Variants in SOX6 observed in about 807,000 individuals in gnomAD.
The protein encoded by SOX6 is transcription factor SOX-6.
Under a neutral mutation model 97.8 loss-of-function variants are expected in SOX6, and 11 were observed. That is an observed-to-expected ratio of 0.11 (90% confidence interval 0.07 to 0.19). The LOEUF (loss-of-function observed/expected upper bound fraction) is 0.19, where lower values mean the gene tolerates loss of function less well. Among genes scored for constraint, SOX6 ranks in the 10% least tolerant of loss-of-function variants. The pLI, the probability that SOX6 is intolerant of heterozygous loss-of-function variation, is 1.00. For missense variants in SOX6, 810 were observed against 1,039.5 expected (o/e 0.78, Z 3.04); for synonymous variants, 360 against 371.4 (o/e 0.97, Z 0.35).
intron 1 of SOX6, among the ~76,000 whole-genome samples, chr11:16,431,827 G>A (rs561958866): frequency 2.8e-4 from 43 of 152,036 alleles, no homozygotes; most frequent in African/African-American, 1.0e-3. Context: ...ATTATACAAG[G>A]CATTATTATC....
rs1184927537 is a variant in SOX6, at chr11:16,613,823, C to T, written n.430-1563G>A. Among the ~76,000 whole-genome samples the T allele has an allele frequency of 2.6e-5, 4 of 152,176 alleles. No homozygotes were observed. The highest frequency in any genetic ancestry group is 5.9e-5 in the Non-Finnish European group (4 of 68,042). On this transcript the variant is annotated intron_variant and non_coding_transcript_variant, in intron 3 of 5. Coordinates refer to the SOX6 transcript ENST00000524520. This position sits in a 1 kb window ranked among gnomAD's most constrained non-coding sequence, Gnocchi z 4.6. ...GAGCTTTGTTTACGTGCCTAAGTCG[C>T]CACCTTGAGGTCGAGGGGAAGACTG...
At chr11:15,991,948 G>T (rs932206544) in intron 13 of SOX6, among the ~76,000 whole-genome samples, 1 of 152,126 alleles carries the variant, frequency 6.6e-6, no homozygotes, top group African/African-American at 2.4e-5. Flanking sequence ...GAGGAACAGA[G>T]CTCAAGTCTG....
intron 3 of SOX6, among the ~76,000 whole-genome samples, chr11:16,279,442 C>T (rs1854490558): frequency 6.6e-6 from 1 of 151,976 alleles, no homozygotes; most frequent in African/African-American, 2.4e-5. Flanking sequence ...TATTTAATAT[C>T]TCACTTTCAT....
intron 6 of SOX6, among the ~76,000 whole-genome samples, chr11:16,118,800 A>G (rs552789550): frequency 6.6e-6 from 1 of 152,352 alleles, no homozygotes; most frequent in Admixed American, 6.5e-5. Context: ...ATTGAAAATC[A>G]TGTGCATATT....
At chr11:16,337,908 T>G (rs1856511082) in intron 2 of SOX6, among the ~76,000 whole-genome samples, 1 of 152,084 alleles carries the variant, frequency 6.6e-6, no homozygotes, top group Non-Finnish European at 1.5e-5. Context: ...TAATCAGAAT[T>G]TTCACATTTA....
chr11:16,470,328 T>TA (rs1412544018), intron 1 of SOX6, among the ~76,000 whole-genome samples: 3 of 152,166 alleles, frequency 2.0e-5, no homozygotes, highest in African/African-American at 7.2e-5. Context: ...TACTTGTCCT[T>TA]AAAATCACAG....
chr11:16,648,328 C>T (rs1046058666), intron 3 of SOX6, among the ~76,000 whole-genome samples: 1 of 152,116 alleles, frequency 6.6e-6, no homozygotes, highest in Non-Finnish European at 1.5e-5. Context: ...CCAACCCTCA[C>T]AGTGGCCATG....
intron 4 of SOX6, among the ~76,000 whole-genome samples, chr11:16,192,434 CA>C (rs1322206287): frequency 1.3e-5 from 2 of 151,598 alleles, no homozygotes; most frequent in Admixed American, 6.6e-5. Flanking sequence ...TTTTGAGTCT[CA>C]ATAGGAAGTC....
chr11:16,076,735 ATT>A (rs1156737950), intron 9 of SOX6, among the ~76,000 whole-genome samples: 94 of 94,122 alleles, frequency 1.0e-3, no homozygotes, highest in African/African-American at 3.8e-3. Context: ...GGTACTACAC[ATT>A]TTTTTTTTTT....
At chr11:16,480,337 A>C (rs1240231437), upstream of SOX6, among the ~76,000 whole-genome samples, 1 of 152,136 alleles carries the variant, frequency 6.6e-6, no homozygotes. Context: ...ATTCAAAAGA[A>C]ATGACCCAGA....
chr11:15,989,118 G>T lies in SOX6; in HGVS notation c.1845C>A (p.Ala615=), dbSNP rs1287040784. The change falls in exon 14 of 16, where the codon GCC becomes GCA. Residue 615 remains alanine (A), a synonymous_variant. Transcript: ENST00000683767. ...ARVYRDARGR[A]SSEPHIKRPM... is the part of the protein sequence containing the mutation. ...GTCGCTTAATGTGTGGCTCGCTGCT[G>T]GCACGGCCGCGGGCGTCCCTGTAGA... The T allele has an allele frequency of 6.2e-7, 1 of 1,614,060 alleles. No individual in the cohort carries two copies. The highest frequency in any genetic ancestry group is 8.5e-7 in the Non-Finnish European group (1 of 1,180,028).
chr11:16,577,684 A>G (rs1294418175), intron 4 of SOX6, among the ~76,000 whole-genome samples: 1 of 152,124 alleles, frequency 6.6e-6, no homozygotes, highest in African/African-American at 2.4e-5. Context: ...ATGTCTAATG[A>G]TGTCATATAT....
intron 11 of SOX6, among the ~76,000 whole-genome samples, chr11:16,049,539 T>A (rs1847629538): frequency 6.6e-6 from 1 of 152,184 alleles, no homozygotes; most frequent in Non-Finnish European, 1.5e-5. Flanking sequence ...CTCATTATCA[T>A]CTAAAGAATC....
At chr11:16,167,488 T>A (rs538751208) in intron 6 of SOX6, among the ~76,000 whole-genome samples, 1 of 152,290 alleles carries the variant, frequency 6.6e-6, no homozygotes, top group South Asian at 2.1e-4. Context: ...TTCTTTCCAA[T>A]GGTCTCCCAT....
chr11:16,640,305 G>A (rs534650012), intron 3 of SOX6, among the ~76,000 whole-genome samples: 7 of 152,212 alleles, frequency 4.6e-5, no homozygotes, highest in African/African-American at 1.2e-4. Flanking sequence ...TGCTGGATTC[G>A]GTTTGCCAGT....
At chr11:16,722,035 G>C (rs943906845) in intron 2 of SOX6, among the ~76,000 whole-genome samples, 2 of 152,016 alleles carry the variant, frequency 1.3e-5, no homozygotes, top group Non-Finnish European at 2.9e-5. Flanking sequence ...ATCAACTTAA[G>C]ATGGATTAAA....
intron 3 of SOX6, among the ~76,000 whole-genome samples, chr11:16,692,925 G>T (rs1034421227): frequency 3.9e-5 from 6 of 152,092 alleles, no homozygotes; most frequent in Non-Finnish European, 7.4e-5. Flanking sequence ...ATATGAAATT[G>T]ATGTTTTTAA....
intron 4 of SOX6, among the ~76,000 whole-genome samples, chr11:16,496,244 T>G (rs190779728): frequency 6.6e-6 from 1 of 151,070 alleles, no homozygotes; most frequent in Non-Finnish European, 1.5e-5. Context: ...GAAAAAAAAC[T>G]TATGAAATCC....
chr11:16,412,190 A>G (rs1197374366), intron 1 of SOX6, among the ~76,000 whole-genome samples: 2 of 152,210 alleles, frequency 1.3e-5, no homozygotes, highest in Non-Finnish European at 2.9e-5. Flanking sequence ...TTTGCATTTT[A>G]TTCTTTGACA....
Sources: allele counts gnomAD v4.1 joint callset (sites outside exome capture counted in the v4.1 genomes callset), GRCh38; gene constraint gnomAD v4.1.1; non-coding constraint Gnocchi (gnomAD v3.1); transcripts MANE v1.5; gene names NCBI Gene and HGNC (gene_info 2026-07-23, HGNC 2026-07-21).